PPFIBP1: variants seen among roughly 807,000 people sequenced by gnomAD.
PPFIBP1 encodes the protein liprin-beta-1.
PPFIBP1 carries 112 observed loss-of-function variants against 137.8 expected under a neutral mutation model. That is an observed-to-expected ratio of 0.81 (90% CI 0.70 to 0.95). The LOEUF is 0.95. Ranked by LOEUF, PPFIBP1 falls within the 40% of genes least tolerant of loss-of-function variation. The pLI, the probability that PPFIBP1 is intolerant of heterozygous loss-of-function variation, is 0.00. For missense variants in PPFIBP1, 1,083 were observed against 1,196.6 expected (o/e 0.91, Z 1.40); for synonymous variants, 378 against 417.3 (o/e 0.91, Z 1.15).
rs77214361 is a variant in PPFIBP1 at position 27,620,025 on chromosome 12, A to C, written c.-35-13337A>C. On this transcript the variant is annotated intron_variant, in intron 2 of 29. Coordinates refer to ENST00000228425, the MANE Select transcript of PPFIBP1 (RefSeq NM_003622.4). ...TATGTGTGTATTCACACATACATAC[A>C]TAGCTAGTGTCCCATCACCATCTCT... Among the ~76,000 whole-genome samples, 822 of 152,224 alleles carry C rather than the reference A, an allele frequency of 5.4e-3. 1 individual carries two copies. Among genetic ancestry groups the C allele is most frequent in the Non-Finnish European group, 9.7e-3 (663 of 68,024 alleles).
chr12:27,658,647 G>A (rs1027005299), intron 9 of PPFIBP1, among the ~76,000 whole-genome samples, 169 bp from the exon 10 acceptor site: 7 of 152,122 alleles, frequency 4.6e-5, no homozygotes, highest in African/African-American at 1.7e-4. Context: ...CTCACATAGA[G>A]CATTATTGTA....
intron 2 of PPFIBP1, among the ~76,000 whole-genome samples, chr12:27,598,624 C>T (rs1217252763): frequency 1.3e-5 from 2 of 151,844 alleles, no homozygotes; most frequent in Admixed American, 6.6e-5. Flanking sequence ...GTACCTGAAA[C>T]ACAATTTCTT....
chr12:27,647,281 G>A (rs767206378), intron 5 of PPFIBP1, among the ~76,000 whole-genome samples: 11 of 152,112 alleles, frequency 7.2e-5, no homozygotes, highest in Non-Finnish European at 1.0e-4. Flanking sequence ...GATTACAGGC[G>A]TGAGCCACCG....
intron 22 of PPFIBP1, 93 bp downstream of exon 22, chr12:27,681,789 T>A: frequency 7.2e-7 from 1 of 1,396,744 alleles, no homozygotes; most frequent in Non-Finnish European, 9.7e-7. Flanking sequence ...GGGCCATGAG[T>A]GAAGCCAGTA....
Position 27,686,136 on chromosome 12 carries a change from G to A in PPFIBP1, c.2248-1249G>A, listed in dbSNP as rs1215959600. On this transcript the variant is annotated intron_variant, in intron 24 of 29. Coordinates refer to ENST00000228425, the MANE Select transcript of PPFIBP1 (RefSeq NM_003622.4). The stretch of plus-strand genomic sequence containing the variant: ...AAGTACTCTTTCTAACATGTCTTAA[G>A]ACACTACTTTTAAGGAATTACTCCA... Among the ~76,000 whole-genome samples, 3 of 152,104 alleles carry A rather than the reference G, an allele frequency of 2.0e-5. No homozygotes were observed. In the East Asian group the frequency reaches 5.8e-4, roughly 29 times the overall value.
chr12:27,658,936 C>G, intron 10 of PPFIBP1, 88 bp downstream of exon 10: 3 of 1,341,582 alleles, frequency 2.2e-6, no homozygotes, highest in Non-Finnish European at 2.1e-6. Context: ...AAACATTTCT[C>G]TCACCAAAGA....
intron 2 of PPFIBP1, among the ~76,000 whole-genome samples, chr12:27,596,107 CATAT>C (rs56944185): frequency 0.052 from 2,543 of 49,194 alleles, 49 homozygotes; most frequent in Non-Finnish European, 0.071. Context: ...CACACACACA[CATAT>C]GCTTACAAAT....
chr12:27,527,481 A>G (rs1943903446), intron 1 of PPFIBP1, among the ~76,000 whole-genome samples: 1 of 152,098 alleles, frequency 6.6e-6, no homozygotes, highest in Admixed American at 6.5e-5. Context: ...GGGCTCAAGC[A>G]GTCGACCCAC....
At chr12:27,592,806 A>G (rs2052680924) in intron 2 of PPFIBP1, 1 of 674,246 alleles carries the variant, frequency 1.5e-6, no homozygotes. Flanking sequence ...AGCCAAGTCA[A>G]CATTTACTCA....
At chr12:27,534,554 G>A (rs1419100614) in intron 1 of PPFIBP1, among the ~76,000 whole-genome samples, 3 of 151,666 alleles carry the variant, frequency 2.0e-5, no homozygotes, top group Admixed American at 6.6e-5. Context: ...GTGGAAAGTA[G>A]TGGTTATAAA....
Position 27,693,129 on chromosome 12 carries a change from T to A in PPFIBP1, c.*247T>A. The stretch of plus-strand genomic sequence containing the variant: ...TAATGTAAAAATCTGTGATATATTA[T>A]ATTTAAAGTGTTGCATTTAAGATGA... On this transcript the variant is annotated 3_prime_UTR_variant, in exon 30 of 30. Coordinates refer to ENST00000228425, the MANE Select transcript of PPFIBP1 (RefSeq NM_003622.4). The A allele has an allele frequency of 2.4e-6, 1 of 424,758 alleles. No homozygotes were observed. Among genetic ancestry groups the A allele is most frequent in the Non-Finnish European group, 4.0e-6 (1 of 251,256 alleles). 26.3% of individuals were successfully genotyped at this position (424,758 alleles called of 1,614,324 possible). A position where few individuals can be genotyped will look rare whatever the true frequency, so the allele number is the denominator to read the frequency against.
At chr12:27,565,757 G>T (rs535229780) in intron 1 of PPFIBP1, among the ~76,000 whole-genome samples, 1 of 152,068 alleles carries the variant, frequency 6.6e-6, no homozygotes, top group Admixed American at 6.6e-5. Flanking sequence ...ACCTACAGTC[G>T]TTTGTCTTCA....
At chr12:27,608,662 G>A (rs1297804272) in intron 2 of PPFIBP1, 2 of 442,278 alleles carry the variant, frequency 4.5e-6, no homozygotes, top group Non-Finnish European at 8.3e-6. Flanking sequence ...TTACAAAATA[G>A]TAGATAAAAA....
At chr12:27,543,996 A>G (rs1032528608) in intron 1 of PPFIBP1, among the ~76,000 whole-genome samples, 1 of 150,298 alleles carries the variant, frequency 6.7e-6, no homozygotes, top group African/African-American at 2.5e-5. Context: ...CCTCCCACCT[A>G]AGCCTCTCAA....
chr12:27,611,347 A>C (rs986275451), intron 2 of PPFIBP1, among the ~76,000 whole-genome samples: 1 of 152,124 alleles, frequency 6.6e-6, no homozygotes, highest in African/African-American at 2.4e-5. Context: ...TGGCTTGTAC[A>C]TGGCTGTCTT....
Position 27,539,347 on chromosome 12 carries a change from C to T in PPFIBP1, c.-124+14982C>T, listed in dbSNP as rs1033786517. Reference sequence around the variant, plus strand: ...TACACTGTGTACTACCATGAGCTGGCGTGGGTTTATCAGAGCTGTAAAAGC... The same window carrying T: ...TACACTGTGTACTACCATGAGCTGGTGTGGGTTTATCAGAGCTGTAAAAGC... On this transcript the variant is annotated intron_variant, in intron 1 of 29. Coordinates refer to ENST00000228425, the MANE Select transcript of PPFIBP1 (RefSeq NM_003622.4). 1.2e-4 allele frequency among the ~76,000 whole-genome samples: 19 copies of T among 152,112 alleles called. 1 individual carries two copies. The highest frequency in any genetic ancestry group is 2.6e-4 in the Non-Finnish European group (18 of 68,034).
At chr12:27,641,690 C>T (rs767039622) in intron 4 of PPFIBP1, among the ~76,000 whole-genome samples, 3 of 152,118 alleles carry the variant, frequency 2.0e-5, no homozygotes, top group Non-Finnish European at 4.4e-5. Context: ...GGTGACCACA[C>T]CCACCTCTAA....
rs775076900 is a variant in PPFIBP1, at chr12:27,682,637, C to T, written c.2181C>T (p.Leu727=). ...TAGGATGGTTGGATGACATTGGCCT[C>T]CCTCAATATAAGACCCAGTTTGATG... ...WVTRWLDDIG[L]PQYKTQFDEG... Residue 727 remains leucine (L), a synonymous_variant, in exon 24 of 30, where the codon CTC becomes CTT. Transcript: ENST00000228425. The T allele has an allele frequency of 4.3e-6, 7 of 1,614,152 alleles. No individual in the cohort carries two copies. The highest frequency in any genetic ancestry group is 5.1e-6 in the Non-Finnish European group (6 of 1,180,040).
chr12:27,680,841 A>G (rs1292677004), intron 21 of PPFIBP1, among the ~76,000 whole-genome samples: 1 of 152,232 alleles, frequency 6.6e-6, no homozygotes, highest in Non-Finnish European at 1.5e-5. Flanking sequence ...TAGACTGACT[A>G]GAAACCCTTT....
Sources: allele counts gnomAD v4.1 joint callset (sites outside exome capture counted in the v4.1 genomes callset), GRCh38; gene constraint gnomAD v4.1.1; transcripts MANE v1.5; gene names NCBI Gene and HGNC (gene_info 2026-07-23, HGNC 2026-07-21).